DENND1B: variants seen among roughly 807,000 people sequenced by gnomAD.
DENND1B encodes the protein DENN domain-containing protein 1B.
DENND1B carries 59 observed loss-of-function variants against 90.1 expected under a neutral mutation model. The observed-to-expected ratio is 0.65, with a 90% CI of 0.53 to 0.81. The LOEUF is 0.81. Ranked by LOEUF, DENND1B falls within the 40% of genes least tolerant of loss-of-function variation. The pLI is 0.00. For missense variants in DENND1B, 862 were observed against 912.6 expected (o/e 0.94, Z 0.71); for synonymous variants, 337 against 324.6 (o/e 1.04, Z -0.41).
intron 2 of DENND1B, among the ~76,000 whole-genome samples, chr1:197,726,464 A>T (rs1661643535): frequency 6.6e-6 from 1 of 152,190 alleles, no homozygotes; most frequent in Non-Finnish European, 1.5e-5. Flanking sequence ...GCAATAATGA[A>T]ATAGGATATA....
At chr1:197,771,065 C>A (rs1008590970) in intron 2 of DENND1B, among the ~76,000 whole-genome samples, 4 of 151,448 alleles carry the variant, frequency 2.6e-5, no homozygotes, top group Non-Finnish European at 5.9e-5. Flanking sequence ...GCATAGGCCA[C>A]CATGCCTGCA....
chr1:197,578,141 T>C (rs950139011), intron 15 of DENND1B, among the ~76,000 whole-genome samples: 1 of 152,086 alleles, frequency 6.6e-6, no homozygotes, highest in Non-Finnish European at 1.5e-5. Context: ...ACAAGAGAAA[T>C]AGGTTTTTGA....
At chr1:197,692,951 GA>G (rs995791355) in intron 3 of DENND1B, among the ~76,000 whole-genome samples, 2 of 151,614 alleles carry the variant, frequency 1.3e-5, no homozygotes, top group Non-Finnish European at 3.0e-5. Context: ...ATTCCTATTA[GA>G]ATACCTGGCA....
At chr1:197,559,634 A>G (rs1385094054) in intron 15 of DENND1B, among the ~76,000 whole-genome samples, 1 of 151,988 alleles carries the variant, frequency 6.6e-6, no homozygotes, top group Non-Finnish European at 1.5e-5. Context: ...GGAAAAATAA[A>G]TACAGTAAAA....
In DENND1B at chr1:197,603,965, CTG is replaced by C. The variant is rs967164567; in HGVS notation, c.921+3106_921+3107del. Reference sequence around the variant, plus strand: ...TATAAACATACTACAATAACACTAACTGTGATTGATGCTGTAACTGAGTCCTA... The same window carrying C: ...TATAAACATACTACAATAACACTAACTGATTGATGCTGTAACTGAGTCCTA... On this transcript the variant is annotated intron_variant, in intron 13 of 22. Coordinates refer to ENST00000620048, the MANE Select transcript of DENND1B (RefSeq NM_001195215.2). Among the ~76,000 whole-genome samples, 59 of 151,148 alleles carry C rather than the reference CTG, an allele frequency of 3.9e-4. 1 individual carries two copies. Among genetic ancestry groups the C allele is most frequent in the African/African-American group, 1.3e-3 (53 of 41,286 alleles).
chr1:197,717,846 C>T (rs1013336883), intron 2 of DENND1B, among the ~76,000 whole-genome samples: 1 of 151,902 alleles, frequency 6.6e-6, no homozygotes, highest in Non-Finnish European at 1.5e-5. Context: ...AAAAGAGCTC[C>T]AATTTGCACA....
intron 2 of DENND1B, among the ~76,000 whole-genome samples, chr1:197,722,800 T>C (rs1282168253): frequency 1.3e-5 from 2 of 152,190 alleles, no homozygotes; most frequent in African/African-American, 2.4e-5. Flanking sequence ...ATTTGTTATT[T>C]TACATAATGC....
At chr1:197,610,048 A>G (rs1677041138) in intron 12 of DENND1B, among the ~76,000 whole-genome samples, 1 of 150,844 alleles carries the variant, frequency 6.6e-6, no homozygotes, top group African/African-American at 2.4e-5. Context: ...TTAACAAGAA[A>G]GTTGCTGAAT....
intron 10 of DENND1B, among the ~76,000 whole-genome samples, chr1:197,626,444 T>C (rs1438145645): frequency 6.6e-6 from 1 of 152,008 alleles, no homozygotes; most frequent in Non-Finnish European, 1.5e-5. Flanking sequence ...AATAATGAAA[T>C]GAAGGCAGAA....
At chr1:197,604,863 T>C (rs1676531066) in intron 13 of DENND1B, among the ~76,000 whole-genome samples, 1 of 151,120 alleles carries the variant, frequency 6.6e-6, no homozygotes, top group Admixed American at 6.6e-5. Context: ...TTCATCCTAT[T>C]TCCACCAAAA....
At chr1:197,577,165 T>C (rs981702879) in intron 15 of DENND1B, among the ~76,000 whole-genome samples, 1 of 152,124 alleles carries the variant, frequency 6.6e-6, no homozygotes, top group African/African-American at 2.4e-5. Flanking sequence ...ATAAAAAAGA[T>C]AAATTACAAT....
At chr1:197,764,293 T>G (rs369992209) in intron 2 of DENND1B, among the ~76,000 whole-genome samples, 4 of 152,098 alleles carry the variant, frequency 2.6e-5, no homozygotes, top group African/African-American at 9.7e-5. Context: ...TGAAGACAAA[T>G]GGAAGATGTA....
intron 2 of DENND1B, among the ~76,000 whole-genome samples, chr1:197,767,259 C>T (rs1221490637): frequency 2.6e-5 from 4 of 151,896 alleles, no homozygotes; most frequent in Non-Finnish European, 4.4e-5. Context: ...CCATATTAAA[C>T]ATATCTATAA....
At position 197,772,890 on chromosome 1, in the gene DENND1B, T is replaced by A; in HGVS notation, c.60A>T (p.Lys20Asn). Residue 20 changes from lysine (K) to asparagine (N), a missense_variant, in exon 2 of 23, where the codon AAA (lysine) becomes AAT (asparagine). By Grantham distance (94) the Lys-to-Asn change is moderately conservative (BLOSUM62 0). Coordinates refer to ENST00000620048, the MANE Select transcript of DENND1B (RefSeq NM_001195215.2). ...DRTFDLVLKV[K>N]CHASENEDPV... ...TACCTTCATTTTCAGAGGCATGACA[T>A]TTCACTTTCAACACCAAGTCAAAGG... The A allele has an allele frequency of 6.4e-7, 1 of 1,551,962 alleles. No individual in the cohort carries two copies. Among genetic ancestry groups the A allele is most frequent in the Non-Finnish European group, 8.7e-7 (1 of 1,147,016 alleles).
intron 15 of DENND1B, among the ~76,000 whole-genome samples, chr1:197,566,213 T>C (rs913656515): frequency 5.3e-4 from 81 of 152,284 alleles, no homozygotes; most frequent in Admixed American, 4.8e-3. Flanking sequence ...CTCATTGTGG[T>C]TTTTATTTGC....
intron 14 of DENND1B, among the ~76,000 whole-genome samples, chr1:197,592,879 G>C (rs1572001131): frequency 1.3e-5 from 2 of 152,208 alleles, no homozygotes; most frequent in Non-Finnish European, 2.9e-5. Flanking sequence ...GTAATGTCTA[G>C]TAAAATAATT....
chr1:197,591,687 T>C (rs1198595314), intron 14 of DENND1B, among the ~76,000 whole-genome samples: 1 of 152,198 alleles, frequency 6.6e-6, no homozygotes, highest in African/African-American at 2.4e-5. Context: ...ATGAGATGCC[T>C]ATACCACCTG....
chr1:197,674,274 T>C, intron 3 of DENND1B, 105 bp from the exon 4 acceptor site: 1 of 782,998 alleles, frequency 1.3e-6, no homozygotes, highest in East Asian at 2.7e-5. Flanking sequence ...ATGCTTTCTT[T>C]GTCCTTAAGA....
At chr1:197,759,742 C>CAAAAA (rs1196523150) in intron 2 of DENND1B, among the ~76,000 whole-genome samples, 25 of 38,120 alleles carry the variant, frequency 6.6e-4, no homozygotes, top group African/African-American at 7.5e-4. Flanking sequence ...GACTCCGTCT[C>CAAAAA]AAAAAAAAAA....
Sources: gnomAD v4.1 joint callset for allele counts (sites outside exome capture counted in the v4.1 genomes callset) on GRCh38, gnomAD v4.1.1 for gene constraint, MANE v1.5 for transcripts, NCBI Gene and HGNC (gene_info 2026-07-23, HGNC 2026-07-21) for gene names.